DAB1: variants seen among roughly 807,000 people sequenced by gnomAD.
The protein encoded by DAB1 is disabled homolog 1.
Under a neutral mutation model 64.6 loss-of-function variants are expected in DAB1, and 15 were observed. That is an observed-to-expected ratio of 0.23 (90% CI 0.16 to 0.36). DAB1 has a LOEUF of 0.36. Among genes scored for constraint, DAB1 ranks in the 10% least tolerant of loss-of-function variants. The pLI is 1.00. For missense variants in DAB1, 596 were observed against 706.7 expected (o/e 0.84, Z 1.78); for synonymous variants, 235 against 251.9 (o/e 0.93, Z 0.64).
intron 7 of DAB1, among the ~76,000 whole-genome samples, chr1:57,533,422 A>C (rs946612533): frequency 6.6e-6 from 1 of 151,816 alleles, no homozygotes; most frequent in Non-Finnish European, 1.5e-5. Context: ...ATGCTTTCCC[A>C]AAAAATTTAG....
At chr1:57,004,971 C>G (rs1646013007) in intron 14 of DAB1, among the ~76,000 whole-genome samples, 2 of 152,166 alleles carry the variant, frequency 1.3e-5, no homozygotes, top group African/African-American at 4.8e-5. Flanking sequence ...TGGCAGCCTT[C>G]TTTTTCTTTA....
At chr1:57,331,980 T>C (rs956327949) in intron 1 of DAB1, among the ~76,000 whole-genome samples, 4 of 152,214 alleles carry the variant, frequency 2.6e-5, no homozygotes, top group Admixed American at 2.0e-4. Flanking sequence ...GTTTGTTTTT[T>C]AAAGACGGAG....
chr1:58,451,584 G>A (rs12126555), intron 3 of DAB1, among the ~76,000 whole-genome samples: 37,749 of 152,136 alleles, frequency 0.25, 4,941 homozygotes, highest in Middle Eastern at 0.35. Flanking sequence ...GGGAAAATGG[G>A]TGAAGGATAC....
intron 3 of DAB1, chr1:58,462,776 T>C (rs900569753): frequency 6.6e-6 from 1 of 152,238 alleles, no homozygotes; most frequent in Admixed American, 6.5e-5. Context: ...TTTGACCTTA[T>C]GTGCTTCAGT....
intron 6 of DAB1, among the ~76,000 whole-genome samples, chr1:57,739,799 C>T (rs1197769235): frequency 6.6e-6 from 1 of 151,838 alleles, no homozygotes; most frequent in Non-Finnish European, 1.5e-5. Context: ...AAATCTACTC[C>T]AGCCTCCTCA....
chr1:58,534,234 T>A (rs1381431759), intron 1 of DAB1: 1 of 872,046 alleles, frequency 1.1e-6, no homozygotes, highest in Non-Finnish European at 2.0e-6. Context: ...CCCTGGAACA[T>A]CTTTATTGCA....
At chr1:57,483,368 T>C (rs1282533037) in intron 7 of DAB1, among the ~76,000 whole-genome samples, 1 of 152,140 alleles carries the variant, frequency 6.6e-6, no homozygotes, top group Non-Finnish European at 1.5e-5. Flanking sequence ...ATGAGTCTCA[T>C]GAGAGCTGAC....
chr1:57,990,676 A>T (rs1363629446), intron 5 of DAB1, among the ~76,000 whole-genome samples: 6 of 152,190 alleles, frequency 3.9e-5, no homozygotes, highest in African/African-American at 1.4e-4. Context: ...AGATAAAGAC[A>T]GCAGTGTGAG....
chr1:57,055,149 T>A (rs1649621551), intron 9 of DAB1, among the ~76,000 whole-genome samples: 1 of 152,234 alleles, frequency 6.6e-6, no homozygotes, highest in South Asian at 2.1e-4. Context: ...TGTACCTATG[T>A]GTTTACAGTC....
intron 2 of DAB1, among the ~76,000 whole-genome samples, chr1:57,165,719 T>A (rs1331997442): frequency 1.3e-5 from 2 of 152,236 alleles, no homozygotes; most frequent in African/African-American, 4.8e-5. Flanking sequence ...AGAGTTCACA[T>A]AGCCAATAAG....
intron 7 of DAB1, among the ~76,000 whole-genome samples, chr1:57,646,903 A>G (rs1384714780): frequency 6.6e-6 from 1 of 152,196 alleles, no homozygotes; most frequent in African/African-American, 2.4e-5. Context: ...CTCACCCAGC[A>G]CAGACTGCTC....
chr1:58,447,299 T>G (rs1645078476), intron 3 of DAB1, among the ~76,000 whole-genome samples: 1 of 152,132 alleles, frequency 6.6e-6, no homozygotes, highest in African/African-American at 2.4e-5. Context: ...CAAAGTACAT[T>G]TAAAGTTGTT....
chr1:58,443,841 C>T (rs1320586466), intron 3 of DAB1, among the ~76,000 whole-genome samples: 1 of 152,160 alleles, frequency 6.6e-6, no homozygotes, highest in East Asian at 1.9e-4. Context: ...AATTACAGTT[C>T]CCATTTTTGT....
At chr1:57,942,254 C>A (rs1645116700) in intron 5 of DAB1, among the ~76,000 whole-genome samples, 2 of 152,118 alleles carry the variant, frequency 1.3e-5, no homozygotes, top group South Asian at 4.2e-4. Flanking sequence ...GTCAGTCAAC[C>A]AACACTGAGC....
intron 3 of DAB1, chr1:58,468,935 A>G (rs568388041): frequency 1.6e-5 from 4 of 244,124 alleles, no homozygotes; most frequent in African/African-American, 9.1e-5. Flanking sequence ...TGGCCGCTAC[A>G]CTGTATATGA....
At chr1:57,652,335 A>G (rs1646266653) in intron 6 of DAB1, among the ~76,000 whole-genome samples, 1 of 152,006 alleles carries the variant, frequency 6.6e-6, no homozygotes, top group Non-Finnish European at 1.5e-5. Flanking sequence ...TTGCACCCCC[A>G]ATCAATCAGC....
At chr1:57,698,090 C>CTT (rs754182611) in intron 6 of DAB1, among the ~76,000 whole-genome samples, 6 of 143,128 alleles carry the variant, frequency 4.2e-5, no homozygotes, top group Non-Finnish European at 6.2e-5. Context: ...AACTTGTCCA[C>CTT]TTTTTTTTTT....
intron 5 of DAB1, among the ~76,000 whole-genome samples, chr1:57,917,726 A>C (rs1313170264): frequency 1.3e-5 from 2 of 152,178 alleles, no homozygotes; most frequent in African/African-American, 4.8e-5. Context: ...TCTTTAAAGT[A>C]AAATGCTAAG....
chr1:58,424,136 G>A (rs756905661), intron 3 of DAB1, among the ~76,000 whole-genome samples: 1 of 152,174 alleles, frequency 6.6e-6, no homozygotes, highest in Non-Finnish European at 1.5e-5. Flanking sequence ...TGGCCAGTTT[G>A]CTCAACATCC....
Sources: allele counts gnomAD v4.1 joint callset (sites outside exome capture counted in the v4.1 genomes callset), GRCh38; gene constraint gnomAD v4.1.1; transcripts MANE v1.5; gene names NCBI Gene and HGNC (gene_info 2026-07-23, HGNC 2026-07-21).